PLXNA2: variants seen among roughly 807,000 people sequenced by gnomAD.
The protein encoded by PLXNA2 is plexin-A2.
In PLXNA2, 91 loss-of-function variants were observed where a neutral mutation model predicts 193.5. The ratio of observed to expected loss-of-function variants is 0.47; its 90% CI spans 0.40 to 0.56. The LOEUF (loss-of-function observed/expected upper bound fraction) is 0.56. Among genes scored for constraint, PLXNA2 ranks in the 20% least tolerant of loss-of-function variants. The pLI is 0.00. For missense variants in PLXNA2, 1,995 were observed against 2,503.2 expected (o/e 0.80, Z 4.33); for synonymous variants, 997 against 1,027.3 (o/e 0.97, Z 0.56).
intron 4 of PLXNA2, among the ~76,000 whole-genome samples, chr1:208,131,677 C>T (rs1407894896): frequency 6.6e-6 from 1 of 152,202 alleles, no homozygotes; most frequent in Non-Finnish European, 1.5e-5. Context: ...CTTGAAACAG[C>T]ACCAGAGAAG....
intron 5 of PLXNA2, among the ~76,000 whole-genome samples, chr1:208,099,200 C>T (rs147299994): frequency 2.8e-4 from 43 of 152,262 alleles, no homozygotes; most frequent in African/African-American, 9.9e-4. Context: ...GATCCAGTTT[C>T]GACACAAAGA....
rs1213712706 is a variant in PLXNA2, at chr1:208,044,169, G to A, written c.3874+339C>T. Among the ~76,000 whole-genome samples, 1 of 152,224 alleles carries A rather than the reference G, an allele frequency of 6.6e-6. No individual in the cohort carries two copies. The highest frequency in any genetic ancestry group is 6.5e-5 in the Admixed American group (1 of 15,290). On this transcript the variant is annotated intron_variant, in intron 20 of 31. Coordinates refer to ENST00000367033, the MANE Select transcript of PLXNA2 (RefSeq NM_025179.4). The surrounding 1 kb of genome is among the most constrained non-coding windows in gnomAD (Gnocchi z 4.9). ...AAACAAGAGCTGGACACTCCCATGGGGGATCTAGAGTCTGGGGCTGTGGAG... is the reference window on the plus strand; with the variant it reads ...AAACAAGAGCTGGACACTCCCATGGAGGATCTAGAGTCTGGGGCTGTGGAG...
intron 2 of PLXNA2, among the ~76,000 whole-genome samples, chr1:208,215,530 T>C (rs1488261072): frequency 6.6e-6 from 1 of 150,392 alleles, no homozygotes; most frequent in Non-Finnish European, 1.5e-5. Context: ...GATAAAGAGA[T>C]GGATGAAGGG....
rs538418648 is a variant in PLXNA2, at chr1:208,218,114, C to T, written c.-80-112G>A. On this transcript the variant is annotated intron_variant, in intron 1 of 31. Transcript: ENST00000367033. The stretch of plus-strand genomic sequence containing the variant: ...GTTTAGCTCTGTGAGTCTCCTCCTT[C>T]TGCATTTTGGTTTTTCTATTTTTAA... 17 of 868,606 alleles carry T rather than the reference C, an allele frequency of 2.0e-5. No homozygotes were observed. In the South Asian group the frequency reaches 2.8e-4, roughly 14 times the overall value. The allele number at this position is 868,606 out of a possible 1,614,324, so 53.8% of individuals were successfully genotyped here. A position where few individuals can be genotyped will look rare whatever the true frequency, so the allele number is the denominator to read the frequency against.
intron 4 of PLXNA2, among the ~76,000 whole-genome samples, chr1:208,135,214 C>T (rs577431473): frequency 6.6e-6 from 1 of 152,274 alleles, no homozygotes; most frequent in East Asian, 1.9e-4. Context: ...GGTGGCTTTA[C>T]AATCTTTCCA....
intron 3 of PLXNA2, among the ~76,000 whole-genome samples, chr1:208,165,322 T>G (rs886437720): frequency 1.3e-5 from 2 of 152,200 alleles, no homozygotes; most frequent in Non-Finnish European, 2.9e-5. Flanking sequence ...ATGTTTGTAC[T>G]GTGTCTGAGT....
intron 3 of PLXNA2, among the ~76,000 whole-genome samples, chr1:208,148,818 G>T (rs561519903): frequency 4.1e-4 from 62 of 152,314 alleles, no homozygotes; most frequent in Admixed American, 8.5e-4. Flanking sequence ...AGGCCCTGAG[G>T]GGGTACTTCC....
intron 12 of PLXNA2, among the ~76,000 whole-genome samples, chr1:208,073,581 C>G (rs184537549): frequency 6.6e-6 from 1 of 152,158 alleles, no homozygotes; most frequent in Non-Finnish European, 1.5e-5. Context: ...GGTGGCATCT[C>G]CCCCCTCTGA....
intron 12 of PLXNA2, 128 bp from the exon 13 acceptor site, chr1:208,060,965 G>GGTGA: frequency 1.4e-6 from 1 of 727,816 alleles, no homozygotes; most frequent in South Asian, 1.9e-5. Context: ...CAGGAATTCT[G>GGTGA]GTGAGTGAGT....
Position 208,210,462 on chromosome 1 carries a change from G to C in PLXNA2, c.1189C>G (p.Pro397Ala). ...LGKDVQCTKA[P>A]VPIDDNFCGL... ...CAGAAGTTATCATCGATGGGGACAG[G>C]CTGGAGGGAAGCGGAAGGAATTGGG... The change falls in exon 3 of 32, where the codon CCT becomes GCT. Residue 397 changes from proline to alanine, a missense_variant and splice_region_variant. Pro to Ala is a conservative substitution (Grantham distance 27). Coordinates refer to ENST00000367033, the MANE Select transcript of PLXNA2 (RefSeq NM_025179.4). 1 of 1,609,292 alleles carries C rather than the reference G, an allele frequency of 6.2e-7. No homozygotes were observed. Among genetic ancestry groups the C allele is most frequent in the Non-Finnish European group, 8.5e-7 (1 of 1,176,528 alleles).
chr1:208,037,363 G>A (rs1436432220), intron 26 of PLXNA2, among the ~76,000 whole-genome samples: 1 of 152,132 alleles, frequency 6.6e-6, no homozygotes, highest in Non-Finnish European at 1.5e-5. Flanking sequence ...GGGGACCCCT[G>A]TGCCACAGCT....
intron 2 of PLXNA2, among the ~76,000 whole-genome samples, chr1:208,213,343 G>A (rs1408687545): frequency 6.6e-6 from 1 of 152,210 alleles, no homozygotes; most frequent in Non-Finnish European, 1.5e-5. Flanking sequence ...GGGCTCAATA[G>A]AGAGAGACTG....
intron 11 of PLXNA2, among the ~76,000 whole-genome samples, chr1:208,079,706 C>T (rs1666272719): frequency 6.6e-6 from 1 of 152,126 alleles, no homozygotes; most frequent in Non-Finnish European, 1.5e-5. Flanking sequence ...TTAATTGTGG[C>T]CTCACTACTT....
At chr1:208,070,337 T>C (rs1011867688) in intron 12 of PLXNA2, among the ~76,000 whole-genome samples, 1 of 152,240 alleles carries the variant, frequency 6.6e-6, no homozygotes. Flanking sequence ...TCTGGCTCCC[T>C]GAACTTCTCA....
rs150639189 is a variant in PLXNA2 at position 208,099,996 on chromosome 1, C to T, written c.1608-1027G>A. 5.3e-5 allele frequency among the ~76,000 whole-genome samples: 8 copies of T among 152,166 alleles called. No homozygotes were observed. The East Asian group carries it at 1.5e-3, about 29-fold the overall frequency. ...TGGGGCCAAAGAGCCTGGGTTCCAACCTCAGACCTGTTACCTACTAGCTGC... is the reference window on the plus strand; with the variant it reads ...TGGGGCCAAAGAGCCTGGGTTCCAATCTCAGACCTGTTACCTACTAGCTGC... On this transcript the variant is annotated intron_variant, in intron 5 of 31. Coordinates refer to ENST00000367033, the MANE Select transcript of PLXNA2 (RefSeq NM_025179.4).
At chr1:208,057,173 A>G (rs1484875010) in intron 13 of PLXNA2, among the ~76,000 whole-genome samples, 2 of 152,220 alleles carry the variant, frequency 1.3e-5, no homozygotes, top group African/African-American at 4.8e-5. Context: ...GCACTCTACA[A>G]GACAGGATCT....
At chr1:208,048,760 T>A (rs917544218) in intron 17 of PLXNA2, among the ~76,000 whole-genome samples, 1 of 152,216 alleles carries the variant, frequency 6.6e-6, no homozygotes, top group African/African-American at 2.4e-5. Flanking sequence ...GGTCACGTAC[T>A]CACTCTCCAG....
chr1:208,034,530 G>T lies in PLXNA2; in HGVS notation c.4827C>A (p.Ala1609=). 6.2e-7 allele frequency: 1 copy of T among 1,614,046 alleles called. No homozygotes were observed. Among genetic ancestry groups the T allele is most frequent in the Non-Finnish European group, 8.5e-7 (1 of 1,179,902 alleles). Residue 1609 remains alanine (A), a synonymous_variant, in exon 27 of 32, where the codon GCC becomes GCA. Transcript: ENST00000367033. ...TGGACGTCCGGGAGATGCTGGCAGA[G>T]GCAGGGATGTTGTAGGAGGAGGTCT... is the stretch of plus-strand genomic sequence containing the variant. ...PKQTSSYNIP[A]SASISRTSIS...
At chr1:208,170,375 G>A (rs1172156261) in intron 3 of PLXNA2, among the ~76,000 whole-genome samples, 1 of 152,174 alleles carries the variant, frequency 6.6e-6, no homozygotes, top group South Asian at 2.1e-4. Context: ...AACTAGCATG[G>A]GCCTTGGGGA....
Sources: gnomAD v4.1 joint callset for allele counts (sites outside exome capture counted in the v4.1 genomes callset) on GRCh38, gnomAD v4.1.1 for gene constraint, Gnocchi (gnomAD v3.1) non-coding constraint, MANE v1.5 for transcripts, NCBI Gene and HGNC (gene_info 2026-07-23, HGNC 2026-07-21) for gene names.